Variants in ZNF518A observed in about 807,000 individuals in gnomAD.
The protein encoded by ZNF518A is zinc finger protein 518A.
ZNF518A carries 47 observed loss-of-function variants against 102.7 expected under a neutral mutation model. That is an observed-to-expected ratio of 0.46 (90% CI 0.36 to 0.58). The LOEUF is 0.58. Among genes scored for constraint, ZNF518A ranks in the 20% least tolerant of loss-of-function variants. The pLI is 0.00. For synonymous variants in ZNF518A, 652 were observed against 594.6 expected (o/e 1.10, Z -1.40); for missense variants, 1,793 against 1,699.8 (o/e 1.05, Z -0.96).
At chr10:96,197,598 T>C (rs1245137512) in intron 1 of ZNF518A, among the ~76,000 whole-genome samples, 2 of 152,146 alleles carry the variant, frequency 1.3e-5, no homozygotes, top group Non-Finnish European at 2.9e-5. Context: ...CAGTTGTCTA[T>C]GAAAAAAAAT....
intron 1 of ZNF518A, among the ~76,000 whole-genome samples, chr10:96,131,406 T>C (rs1022032813): frequency 6.6e-6 from 1 of 152,220 alleles, no homozygotes; most frequent in Admixed American, 6.5e-5. Flanking sequence ...AGAAATGCAT[T>C]CACTATCTTT....
chr10:96,151,156 G>T (rs1273840893), intron 3 of ZNF518A, among the ~76,000 whole-genome samples: 1 of 152,154 alleles, frequency 6.6e-6, no homozygotes, highest in Non-Finnish European at 1.5e-5. Flanking sequence ...GCTGCATCCA[G>T]TGATGTTTCT....
intron 3 of ZNF518A, among the ~76,000 whole-genome samples, chr10:96,149,997 C>T (rs782660194): frequency 1.3e-5 from 2 of 151,874 alleles, no homozygotes; most frequent in African/African-American, 2.4e-5. Flanking sequence ...ATTGTCTTCT[C>T]GTGTTTAGAG....
rs782624901 is a variant in ZNF518A at position 96,156,581 on chromosome 10, A to G, written c.259A>G (p.Ile87Val). Reference protein sequence around the residue: ...KQQTARKSISIKTVSCVEECT... With the variant: ...KQQTARKSISVKTVSCVEECT... ...GCAGACTGCAAGAAAATCTATCAGT[A>G]TAAAGACTGTAAGCTGTGTAGAGGA... Residue 87 changes from isoleucine to valine, a missense_variant, in exon 6 of 6, where the codon ATA (isoleucine) becomes GTA (valine). Ile to Val is a conservative substitution (Grantham distance 29). This residue lies in a region of ZNF518A where 1,741 missense variants were observed against 1,622.6 expected (regional missense o/e 1.07). Coordinates refer to ENST00000316045, the MANE Select transcript of ZNF518A (RefSeq NM_001330736.2). The G allele has an allele frequency of 9.9e-6, 16 of 1,613,858 alleles. 1 individual carries two copies. The highest frequency in any genetic ancestry group is 9.3e-5 in the African/African-American group (7 of 75,068).
intron 1 of ZNF518A, chr10:96,203,493 T>C (rs1177285175): frequency 2.0e-5 from 3 of 152,244 alleles, no homozygotes; most frequent in Admixed American, 1.3e-4. Flanking sequence ...TTCCTTTTTT[T>C]CCCACATTGA....
intron 1 of ZNF518A, among the ~76,000 whole-genome samples, chr10:96,175,881 T>TCCCCCCCCCC (rs1554891401): frequency 1.7e-5 from 1 of 59,916 alleles, no homozygotes; most frequent in Non-Finnish European, 3.4e-5. Context: ...CTCCCTCCCT[T>TCCCCCCCCCC]CCTTCCTTCC....
At chr10:96,141,159 G>T (rs1484958020) in intron 3 of ZNF518A, among the ~76,000 whole-genome samples, 3 of 152,186 alleles carry the variant, frequency 2.0e-5, no homozygotes, top group Non-Finnish European at 4.4e-5. Flanking sequence ...TCTGGTTTTT[G>T]TGAGGGAAAA....
chr10:96,199,156 A>G lies in ZNF518A; in HGVS notation n.36-4418A>G, dbSNP rs193139093. On this transcript the variant is annotated intron_variant and non_coding_transcript_variant, in intron 1 of 2. Transcript: ENST00000442635. ...CACTAATATATTTACTTGTAGAGCTAGGACTAAAACAAGGGTGAGGAAGAA... is the reference window on the plus strand; with the variant it reads ...CACTAATATATTTACTTGTAGAGCTGGGACTAAAACAAGGGTGAGGAAGAA... 2.1e-4 allele frequency among the ~76,000 whole-genome samples: 32 copies of G among 152,364 alleles called. No homozygotes were observed. In the East Asian group the frequency reaches 5.8e-3, roughly 28 times the overall value.
At chr10:96,179,340 C>G (rs587669964) in intron 1 of ZNF518A, among the ~76,000 whole-genome samples, 1 of 151,984 alleles carries the variant, frequency 6.6e-6, no homozygotes, top group East Asian at 1.9e-4. Flanking sequence ...GAACAGATTC[C>G]TCAAAAAAGA....
In ZNF518A at chr10:96,158,398, A is replaced by G; in HGVS notation, c.2076A>G (p.Lys692=). The change falls in exon 6 of 6, where the codon AAA becomes AAG. Residue 692 remains lysine, a synonymous_variant. Transcript: ENST00000316045. ...CACTAGTGAGGCAGGAGAGCTCAAA[A>G]CCAGATAGCCTATTAGCATCTATTA... The part of the protein sequence containing the change: ...FLSLVRQESS[K]PDSLLASISL... The G allele has an allele frequency of 6.2e-7, 1 of 1,613,680 alleles. No individual in the cohort carries two copies. Among genetic ancestry groups the G allele is most frequent in the Non-Finnish European group, 8.5e-7 (1 of 1,179,748 alleles).
chr10:96,169,469 T>A (rs1274651879), intron 1 of ZNF518A, among the ~76,000 whole-genome samples: 3 of 152,252 alleles, frequency 2.0e-5, no homozygotes, highest in Non-Finnish European at 4.4e-5. Flanking sequence ...ATTGAATTTT[T>A]ATTTCAGTTA....
At chr10:96,173,457 G>A (rs1217771169) in intron 1 of ZNF518A, among the ~76,000 whole-genome samples, 5 of 152,098 alleles carry the variant, frequency 3.3e-5, no homozygotes, top group African/African-American at 9.7e-5. Context: ...ATTTTGGGCT[G>A]CCATAACAAA....
chr10:96,136,087 C>T (rs2081581932), intron 3 of ZNF518A, among the ~76,000 whole-genome samples: 1 of 151,998 alleles, frequency 6.6e-6, no homozygotes, highest in African/African-American at 2.4e-5. Flanking sequence ...AATAAGGTGA[C>T]TGTTTTAGGT....
Position 96,200,177 on chromosome 10 carries a change from T to C in ZNF518A, n.36-3397T>C, listed in dbSNP as rs1554895746. ...CAGCTTCCTGTGAAATGGAGGGCAC[T>C]GGTCAGCATGGGATGGTCCCTACTT... On this transcript the variant is annotated intron_variant and non_coding_transcript_variant, in intron 1 of 2. Transcript: ENST00000442635. This position sits in a 1 kb window ranked among gnomAD's most constrained non-coding sequence, Gnocchi z 4.3. 2 of 1,608,398 alleles carry C rather than the reference T, an allele frequency of 1.2e-6. No homozygotes were observed. The highest frequency in any genetic ancestry group is 4.5e-5 in the East Asian group (2 of 44,850).
At chr10:96,193,194 A>G (rs1303064625) in intron 1 of ZNF518A, among the ~76,000 whole-genome samples, 1 of 152,246 alleles carries the variant, frequency 6.6e-6, no homozygotes. Context: ...TCAATCATTC[A>G]GCCATCTTGC....
At chr10:96,148,267 C>G (rs2082261523) in intron 3 of ZNF518A, among the ~76,000 whole-genome samples, 2 of 152,120 alleles carry the variant, frequency 1.3e-5, no homozygotes, top group Admixed American at 6.6e-5. Context: ...ACGGAGAAAC[C>G]ATGTCTCTAC....
At chr10:96,201,359 A>T (rs1554896106) in intron 1 of ZNF518A, among the ~76,000 whole-genome samples, 3 of 152,256 alleles carry the variant, frequency 2.0e-5, no homozygotes, top group Admixed American at 2.0e-4. Flanking sequence ...AGAATCCAGC[A>T]GTCTCTGTTA....
chr10:96,162,188 A>T lies in ZNF518A; in HGVS notation c.*1414A>T, dbSNP rs1359516038. On this transcript the variant is annotated 3_prime_UTR_variant, in exon 6 of 6. Transcript: ENST00000316045. ...GTACATATTTTTGTACCTTTTATGTAAATTTTGCACAGAAATTTTTGGCAT... is the reference window on the plus strand; with the variant it reads ...GTACATATTTTTGTACCTTTTATGTTAATTTTGCACAGAAATTTTTGGCAT... The T allele has an allele frequency of 6.0e-6, 1 of 166,942 alleles. No homozygotes were observed. The highest frequency in any genetic ancestry group is 2.4e-5 in the African/African-American group (1 of 41,456). 10.3% of individuals were successfully genotyped at this position (166,942 alleles called of 1,614,324 possible). A position where few individuals can be genotyped will look rare whatever the true frequency, so the allele number is the denominator to read the frequency against.
chr10:96,150,489 T>C (rs1591187198), intron 3 of ZNF518A, among the ~76,000 whole-genome samples: 1 of 151,832 alleles, frequency 6.6e-6, no homozygotes, highest in Middle Eastern at 3.4e-3. Flanking sequence ...GATACTGAGC[T>C]TCTAATCTTG....
Sources: allele counts gnomAD v4.1 joint callset (sites outside exome capture counted in the v4.1 genomes callset), GRCh38; gene constraint gnomAD v4.1.1; regional missense constraint gnomAD v4.1.1; non-coding constraint Gnocchi (gnomAD v3.1); transcripts MANE v1.5; gene names NCBI Gene and HGNC (gene_info 2026-07-23, HGNC 2026-07-21).